The following MUC5B variants were observed in gnomAD, a reference collection of about 807,000 sequenced individuals.
MUC5B encodes mucin 5B, oligomeric mucus/gel-forming.
In MUC5B, 116 loss-of-function variants were observed where a neutral mutation model predicts 376.9. The ratio of observed to expected loss-of-function variants is 0.31; its 90% CI spans 0.26 to 0.36. MUC5B has a LOEUF of 0.36. Among genes scored for constraint, MUC5B ranks in the 10% least tolerant of loss-of-function variants. MUC5B has a pLI of 1.00. For synonymous variants in MUC5B, 3,517 were observed against 3,390.9 expected (o/e 1.04, Z -1.29); for missense variants, 7,165 against 7,769.9 (o/e 0.92, Z 2.93).
intron 32 of MUC5B, 129 bp from the exon 33 acceptor site, chr11:1,252,680 G>A: frequency 7.1e-7 from 1 of 1,403,878 alleles, no homozygotes; most frequent in Non-Finnish European, 9.5e-7. Flanking sequence ...GGCCAGGCTA[G>A]CATGGGGGCC....
At position 1,257,639 on chromosome 11, in the gene MUC5B, G is replaced by T; in HGVS notation, c.16379G>T (p.Cys5460Phe). ...PCDAQGQPPPCNRPGFVTVTR... is the reference protein window; with the variant it reads ...PCDAQGQPPPFNRPGFVTVTR... ...GACGCCCAGGGTCAGCCCCCGCCGTGCAACCGTCCCGGCTTCGTAACCGTG... is the reference window on the plus strand; with the variant it reads ...GACGCCCAGGGTCAGCCCCCGCCGTTCAACCGTCCCGGCTTCGTAACCGTG... Residue 5460 changes from cysteine (C) to phenylalanine (F), a missense_variant, in exon 41 of 49, where the codon TGC (cysteine) becomes TTC (phenylalanine). Physicochemically the swap from Cys to Phe is radical, Grantham distance 205. Around this residue, in one of 31 missense-constraint regions of MUC5B, gnomAD observed 842 missense variants for 1,016.9 expected, o/e 0.83. Coordinates refer to ENST00000529681, the MANE Select transcript of MUC5B (RefSeq NM_002458.3). The surrounding 1 kb of genome is among the most constrained non-coding windows in gnomAD (Gnocchi z 8.9). The T allele has an allele frequency of 6.3e-7, 1 of 1,598,442 alleles. No homozygotes were observed.
rs200333814 is a variant in MUC5B, at chr11:1,250,112, C to T, written c.13232C>T (p.Pro4411Leu). The T allele has an allele frequency of 5.5e-4, 882 of 1,594,422 alleles. 4 individuals are homozygous for T. Among genetic ancestry groups the T allele is most frequent in the South Asian group, 4.1e-3 (365 of 88,362 alleles). Residue 4411 changes from proline (P) to leucine (L), a missense_variant, in exon 31 of 49, where the codon CCG becomes CTG. By Grantham distance (98) the Pro-to-Leu change is moderately conservative. This residue lies in a region of MUC5B where 431 missense variants were observed against 390.4 expected (regional missense o/e 1.10). Coordinates refer to ENST00000529681, the MANE Select transcript of MUC5B (RefSeq NM_002458.3). ...GCAGCCACTGGCCCCACGGCCACCC[C>T]GTCCTCCACCCCAGGGACCACCTGG... ...TTAATGPTAT[P>L]SSTPGTTWIL...
At chr11:1,224,234 T>C (rs576965407) in intron 1 of MUC5B, among the ~76,000 whole-genome samples, 5 of 152,218 alleles carry the variant, frequency 3.3e-5, no homozygotes, top group African/African-American at 9.6e-5. Flanking sequence ...GTTGGGGAGA[T>C]CAAGCCCTTG....
In MUC5B at chr11:1,257,677, G is replaced by C; in HGVS notation, c.16417G>C (p.Ala5473Pro). The C allele has an allele frequency of 6.4e-7, 1 of 1,574,394 alleles. No homozygotes were observed. Among genetic ancestry groups the C allele is most frequent in the Non-Finnish European group, 8.6e-7 (1 of 1,167,714 alleles). Reference sequence around the variant, plus strand: ...CTTCGTAACCGTGACCAGGCCCCGGGCCGAGAACCCCTGCTGCCCCGAGAC... The same window carrying C: ...CTTCGTAACCGTGACCAGGCCCCGGCCCGAGAACCCCTGCTGCCCCGAGAC... Reference protein sequence around the residue: ...PGFVTVTRPRAENPCCPETVC... With the variant: ...PGFVTVTRPRPENPCCPETVC... Residue 5473 changes from alanine to proline, a missense_variant, in exon 41 of 49, where the codon GCC (alanine) becomes CCC (proline). Physicochemically the swap from Ala to Pro is conservative, Grantham distance 27 (BLOSUM62 -1). Transcript: ENST00000529681. This position sits in a 1 kb window ranked among gnomAD's most constrained non-coding sequence, Gnocchi z 8.9.
chr11:1,243,605 C>T lies in MUC5B; in HGVS notation c.6725C>T (p.Thr2242Ile), dbSNP rs755152033. ...TVTSHTLAAT[T>I]GTTQHSTPAL... The stretch of plus-strand genomic sequence containing the variant: ...ACTTCCCACACCCTAGCAGCAACCA[C>T]CGGTACCACCCAGCACTCGACTCCA... Residue 2242 changes from threonine to isoleucine, a missense_variant, in exon 31 of 49, where the codon ACC (threonine) becomes ATC (isoleucine). Thr to Ile is a moderately conservative substitution (Grantham distance 89). Coordinates refer to ENST00000529681, the MANE Select transcript of MUC5B (RefSeq NM_002458.3). 24 of 1,610,010 alleles carry T rather than the reference C, an allele frequency of 1.5e-5. No homozygotes were observed. Among genetic ancestry groups the T allele is most frequent in the Admixed American group, 3.3e-5 (2 of 59,772 alleles).
chr11:1,252,788 C>T lies in MUC5B; in HGVS notation c.15046-21C>T, dbSNP rs368016057. The T allele has an allele frequency of 1.7e-4, 271 of 1,585,896 alleles. 2 individuals are homozygous for T. The highest frequency in any genetic ancestry group is 2.1e-4 in the Non-Finnish European group (248 of 1,166,980). ...TCCCGTGAGCTGGTCCAGGTGAGGA[C>T]GTGCATGTTCCCTGCCCCAGGTGAA... On this transcript the variant is annotated intron_variant, in intron 32 of 48. Transcript: ENST00000529681.
Position 1,257,806 on chromosome 11 carries a change from G to GGA in MUC5B, c.16450+100_16450+101dup. 1.4e-6 allele frequency: 2 copies of GGA among 1,401,306 alleles called. No individual in the cohort carries two copies. The highest frequency in any genetic ancestry group is 1.9e-6 in the Non-Finnish European group (2 of 1,051,030). The allele number at this position is 1,401,306 out of a possible 1,614,324, so 86.8% of individuals were successfully genotyped here. A position where few individuals can be genotyped will look rare whatever the true frequency, so the allele number is the denominator to read the frequency against. On this transcript the variant is annotated intron_variant, in intron 41 of 48. Transcript: ENST00000529681. The surrounding 1 kb of genome is among the most constrained non-coding windows in gnomAD (Gnocchi z 8.9). ...TGTGGGTTGGGCACAGGAGAGCAGA[G>GGA]GAGAGCCACTGTGTCCTGGCGTGAC... is the stretch of plus-strand genomic sequence containing the variant.
rs1439545237 is a variant in MUC5B, at chr11:1,250,088, C to T, written c.13208C>T (p.Ala4403Val). The T allele has an allele frequency of 5.0e-6, 8 of 1,595,496 alleles. No individual in the cohort carries two copies. Among genetic ancestry groups the T allele is most frequent in the Admixed American group, 1.7e-5 (1 of 58,474 alleles). Reference sequence around the variant, plus strand: ...CTGACCACAGCAGCCACTACAACTGCAGCCACTGGCCCCACGGCCACCCCG... The same window carrying T: ...CTGACCACAGCAGCCACTACAACTGTAGCCACTGGCCCCACGGCCACCCCG... ...TELTTAATTT[A>V]ATGPTATPSS... The change falls in exon 31 of 49, where the codon GCA becomes GTA. Residue 4403 changes from alanine (A) to valine (V), a missense_variant. Around this residue, in one of 31 missense-constraint regions of MUC5B, gnomAD observed 431 missense variants for 390.4 expected, o/e 1.10. Transcript: ENST00000529681.
intron 15 of MUC5B, 77 bp downstream of exon 15, chr11:1,232,237 G>A: frequency 6.8e-7 from 1 of 1,475,082 alleles, no homozygotes; most frequent in East Asian, 2.5e-5. Flanking sequence ...TGGGCCACGG[G>A]GACCCCTGGG....
In MUC5B at chr11:1,248,489, C is replaced by T; in HGVS notation, c.11609C>T (p.Thr3870Ile). ...AHTTKVPTTT[T>I]TGFTVTPSSS... The stretch of plus-strand genomic sequence containing the variant: ...ACTACCAAAGTGCCGACTACCACAA[C>T]CACGGGCTTCACAGTCACCCCCTCC... Residue 3870 changes from threonine (T) to isoleucine (I), a missense_variant, in exon 31 of 49, where the codon ACC becomes ATC. By Grantham distance (89) the Thr-to-Ile change is moderately conservative (BLOSUM62 -1). Coordinates refer to ENST00000529681, the MANE Select transcript of MUC5B (RefSeq NM_002458.3). 2 of 1,611,934 alleles carry T rather than the reference C, an allele frequency of 1.2e-6. No individual in the cohort carries two copies. The highest frequency in any genetic ancestry group is 1.7e-6 in the Non-Finnish European group (2 of 1,178,860).
intron 12 of MUC5B, 74 bp downstream of exon 12, chr11:1,230,674 A>T: frequency 2.9e-6 from 4 of 1,366,998 alleles, no homozygotes; most frequent in Non-Finnish European, 4.0e-6. Context: ...AAGCACGGTC[A>T]GGTCCCCCTC....
At chr11:1,223,401 G>T (rs1031275297) in intron 1 of MUC5B, 1 of 679,408 alleles carries the variant, frequency 1.5e-6, no homozygotes, top group Non-Finnish European at 2.7e-6. Flanking sequence ...GGGCTGGCTT[G>T]GATGGGGTGT....
chr11:1,255,327 A>T (rs936861338), intron 36 of MUC5B, 56 bp from the exon 37 acceptor site: 10 of 1,372,478 alleles, frequency 7.3e-6, no homozygotes, highest in South Asian at 1.4e-5. Flanking sequence ...GCATGCACGC[A>T]CGCACGCAGC....
chr11:1,234,326 AGGGGTGGGCAGGG>A lies in MUC5B; in HGVS notation c.2478+22_2478+34del. On this transcript the variant is annotated intron_variant, in intron 20 of 48. Transcript: ENST00000529681. The surrounding 1 kb of genome is among the most constrained non-coding windows in gnomAD (Gnocchi z 6.3). Reference sequence around the variant, plus strand: ...GCTGTGTGAGTTCCATGCTTCAGGGAGGGGTGGGCAGGGAAGGGGTCCCAGCTTTCCCAGCTCC... The same window carrying A: ...GCTGTGTGAGTTCCATGCTTCAGGGAAAGGGGTCCCAGCTTTCCCAGCTCC... The A allele has an allele frequency of 3.1e-6, 2 of 635,344 alleles. No homozygotes were observed. The highest frequency in any genetic ancestry group is 5.5e-6 in the Non-Finnish European group (2 of 360,774). The allele number at this position is 635,344 out of a possible 1,614,324, so 39.4% of individuals were successfully genotyped here. A position where few individuals can be genotyped will look rare whatever the true frequency, so the allele number is the denominator to read the frequency against.
chr11:1,243,375 CG>C lies in MUC5B; in HGVS notation c.6496del (p.Ala2166ProfsTer11). The C allele has an allele frequency of 6.5e-7, 1 of 1,528,884 alleles. No homozygotes were observed. The highest frequency in any genetic ancestry group is 1.2e-5 in the South Asian group (1 of 85,698). 94.7% of individuals were successfully genotyped at this position (1,528,884 alleles called of 1,614,324 possible). ...CCATCCCCCCAGTGCTGACCACCACCGCCACCACACCTGCAGCCACCAGCAA... is the reference window on the plus strand; with the variant it reads ...CCATCCCCCCAGTGCTGACCACCACCCCACCACACCTGCAGCCACCAGCAA... ...TPIPPVLTTT[A>X]TTPAATSNTV... On this transcript the variant is annotated frameshift_variant, in exon 31 of 49. Transcript: ENST00000529681. LOFTEE classifies it high-confidence loss of function.
Position 1,259,747 on chromosome 11 carries a change from T to C in MUC5B, c.16714-9T>C, listed in dbSNP as rs1554941171. The stretch of plus-strand genomic sequence containing the variant: ...GGGTTAGGGCCTGACGCCCCTCATG[T>C]CCCCACAGGGCTTTGAGTACAAGAG... On this transcript the variant is annotated splice_polypyrimidine_tract_variant and intron_variant, in intron 44 of 48. Coordinates refer to ENST00000529681, the MANE Select transcript of MUC5B (RefSeq NM_002458.3). The C allele has an allele frequency of 2.5e-6, 4 of 1,612,046 alleles. No homozygotes were observed. The highest frequency in any genetic ancestry group is 3.4e-6 in the Non-Finnish European group (4 of 1,179,494).
chr11:1,254,722 G>A lies in MUC5B; in HGVS notation c.15506G>A (p.Ser5169Asn). ...LILFDQIPVSSGFSKNGVLVS... is the reference protein window; with the variant it reads ...LILFDQIPVSNGFSKNGVLVS... ...CTGTTTGACCAAATTCCGGTGAGCA[G>A]CGGTTTCAGCAAGAACGGCGTGCTT... is the stretch of plus-strand genomic sequence containing the variant. The change falls in exon 35 of 49, where the codon AGC (serine) becomes AAC (asparagine). Residue 5169 changes from serine (S) to asparagine (N), a missense_variant. By Grantham distance (46) the Ser-to-Asn change is conservative. Around this residue, in one of 31 missense-constraint regions of MUC5B, gnomAD observed 842 missense variants for 1,016.9 expected, o/e 0.83. Coordinates refer to ENST00000529681, the MANE Select transcript of MUC5B (RefSeq NM_002458.3). 6.2e-7 allele frequency: 1 copy of A among 1,612,822 alleles called. No individual in the cohort carries two copies. The highest frequency in any genetic ancestry group is 8.5e-7 in the Non-Finnish European group (1 of 1,179,724).
At chr11:1,259,648 C>A (rs1862944803) in intron 44 of MUC5B, 108 bp from the exon 45 acceptor site, 2 of 1,136,836 alleles carry the variant, frequency 1.8e-6, no homozygotes, top group Admixed American at 1.9e-5. Context: ...CAGGCAGGGA[C>A]AGGGCTAAGG....
chr11:1,230,275 C>T, intron 11 of MUC5B, 132 bp downstream of exon 11: 2 of 1,337,036 alleles, frequency 1.5e-6, no homozygotes, highest in Non-Finnish European at 2.0e-6. Context: ...CCCTGGGTCC[C>T]CATGATGGTC....
Sources: allele counts gnomAD v4.1 joint callset (sites outside exome capture counted in the v4.1 genomes callset), GRCh38; gene constraint gnomAD v4.1.1; regional missense constraint gnomAD v4.1.1; non-coding constraint Gnocchi (gnomAD v3.1); transcripts MANE v1.5; gene names NCBI Gene and HGNC (gene_info 2026-07-23, HGNC 2026-07-21).